GRID1: variants seen among roughly 807,000 people sequenced by gnomAD.
GRID1 encodes glutamate ionotropic receptor delta type subunit 1, also known as glutamate receptor ionotropic, delta-1.
Under a neutral mutation model 98.0 loss-of-function variants are expected in GRID1, and 28 were observed. The observed-to-expected ratio is 0.29, with a 90% confidence interval of 0.21 to 0.39. GRID1 has a LOEUF of 0.39. Among genes scored for constraint, GRID1 ranks in the 10% least tolerant of loss-of-function variants. The pLI is 1.00. For missense variants in GRID1, 1,111 were observed against 1,340.5 expected (o/e 0.83, Z 2.67); for synonymous variants, 553 against 538.5 (o/e 1.03, Z -0.37).
chr10:86,124,015 C>T (rs998220233), intron 4 of GRID1, among the ~76,000 whole-genome samples: 1 of 152,158 alleles, frequency 6.6e-6, no homozygotes, highest in South Asian at 2.1e-4. Flanking sequence ...GCCTCGTGGC[C>T]CAGGCAAGCA....
At chr10:85,802,872 CACACACACACACA>C (rs1167882199) in intron 8 of GRID1, among the ~76,000 whole-genome samples, 3 of 151,042 alleles carry the variant, frequency 2.0e-5, no homozygotes, top group Non-Finnish European at 3.0e-5. Context: ...CACACACACA[CACACACACACACA>C]CCAAGGAACA....
intron 4 of GRID1, among the ~76,000 whole-genome samples, chr10:86,049,825 T>C (rs1368982420): frequency 3.9e-5 from 6 of 152,258 alleles, no homozygotes; most frequent in Non-Finnish European, 8.8e-5. Flanking sequence ...CTTCTTCTTC[T>C]TTTTGTCATC....
In GRID1 at chr10:85,949,018, C is replaced by T. The variant is rs528593002; in HGVS notation, c.727-32779G>A. ...TACACAAACTGGAGAGGAGAGAAAC[C>T]GTCTGGACATGATGCTTAAATTTGG... On this transcript the variant is annotated intron_variant, in intron 4 of 15. Transcript: ENST00000327946. 5.3e-5 allele frequency among the ~76,000 whole-genome samples: 8 copies of T among 152,114 alleles called. No individual in the cohort carries two copies. The South Asian group carries it at 1.7e-3, about 32-fold the overall frequency.
chr10:86,350,832 A>G (rs1002111970), intron 2 of GRID1, among the ~76,000 whole-genome samples: 9 of 152,176 alleles, frequency 5.9e-5, no homozygotes, highest in Admixed American at 3.9e-4. Flanking sequence ...TTGAAAATAT[A>G]CAATAAATTG....
chr10:85,897,773 C>G (rs1841314554), intron 5 of GRID1, among the ~76,000 whole-genome samples: 1 of 152,062 alleles, frequency 6.6e-6, no homozygotes, highest in Non-Finnish European at 1.5e-5. Flanking sequence ...TTCAAATATT[C>G]AATACATTCT....
chr10:85,991,806 G>C (rs1312384326), intron 4 of GRID1, among the ~76,000 whole-genome samples: 1 of 152,160 alleles, frequency 6.6e-6, no homozygotes, highest in Non-Finnish European at 1.5e-5. Flanking sequence ...CAGACAAAAG[G>C]AGAGAAAACA....
intron 13 of GRID1, among the ~76,000 whole-genome samples, chr10:85,623,479 T>C (rs966241417): frequency 1.3e-5 from 2 of 152,208 alleles, no homozygotes; most frequent in Non-Finnish European, 1.5e-5. Flanking sequence ...CAAATAATGA[T>C]GAATTCACCC....
chr10:85,955,917 C>T (rs941311122), intron 4 of GRID1, among the ~76,000 whole-genome samples: 3 of 152,140 alleles, frequency 2.0e-5, no homozygotes, highest in Non-Finnish European at 4.4e-5. Flanking sequence ...TCCCCTCAGC[C>T]CTTTCTCTTT....
chr10:85,614,785 G>C (rs1456833621), intron 14 of GRID1, among the ~76,000 whole-genome samples: 1 of 152,154 alleles, frequency 6.6e-6, no homozygotes, highest in Non-Finnish European at 1.5e-5. Context: ...GTGTGCAATG[G>C]TGGGACAACC....
chr10:86,355,254 C>G lies in GRID1; in HGVS notation c.235+8687G>C, dbSNP rs112131426. 9.1e-3 allele frequency among the ~76,000 whole-genome samples: 1,391 copies of G among 152,358 alleles called. 15 individuals carry two copies. Among genetic ancestry groups the G allele is most frequent in the South Asian group, 0.022 (108 of 4,822 alleles). ...GGGAGCCCCAGTCTGTGTGAGACAG[C>G]CACCACACTCCCGCCTCTTCAGCTC... is the stretch of plus-strand genomic sequence containing the variant. On this transcript the variant is annotated intron_variant, in intron 2 of 15. Coordinates refer to ENST00000327946, the MANE Select transcript of GRID1 (RefSeq NM_017551.3).
intron 4 of GRID1, among the ~76,000 whole-genome samples, chr10:86,011,991 C>G (rs1374377513): frequency 2.6e-5 from 4 of 152,122 alleles, no homozygotes; most frequent in Admixed American, 6.5e-5. Context: ...AACCCAGTCT[C>G]TACTAAAAAT....
intron 2 of GRID1, among the ~76,000 whole-genome samples, chr10:86,327,433 G>A (rs375226403): frequency 1.3e-5 from 2 of 152,176 alleles, no homozygotes; most frequent in Non-Finnish European, 2.9e-5. Flanking sequence ...CAGCCAAAAA[G>A]CAGAGCAAAC....
At chr10:85,636,135 T>C (rs1034862774) in intron 13 of GRID1, among the ~76,000 whole-genome samples, 3 of 152,220 alleles carry the variant, frequency 2.0e-5, no homozygotes, top group South Asian at 2.1e-4. Context: ...ATTAATCTCC[T>C]GATTGTCCAA....
At chr10:85,800,580 C>A (rs577288105) in intron 8 of GRID1, among the ~76,000 whole-genome samples, 1 of 151,782 alleles carries the variant, frequency 6.6e-6, no homozygotes. Context: ...AGTGGTAATT[C>A]GAGGAAAATA....
chr10:86,342,730 C>G (rs1046360749), intron 2 of GRID1, among the ~76,000 whole-genome samples: 2 of 152,230 alleles, frequency 1.3e-5, no homozygotes, highest in Non-Finnish European at 2.9e-5. Flanking sequence ...CGAGCTACCC[C>G]CTCCATGGCA....
intron 8 of GRID1, among the ~76,000 whole-genome samples, chr10:85,805,550 C>A (rs961449763): frequency 1.3e-5 from 2 of 151,636 alleles, no homozygotes; most frequent in African/African-American, 4.8e-5. Flanking sequence ...TAATGTTTAC[C>A]AAGGCAGTAA....
At chr10:85,662,494 A>G (rs1840976786) in intron 12 of GRID1, among the ~76,000 whole-genome samples, 1 of 152,146 alleles carries the variant, frequency 6.6e-6, no homozygotes, top group Admixed American at 6.5e-5. Flanking sequence ...TCTCAGCCGA[A>G]CCCTGCCTCC....
chr10:86,039,573 G>A (rs1002429135), intron 4 of GRID1, among the ~76,000 whole-genome samples: 3 of 152,186 alleles, frequency 2.0e-5, no homozygotes, highest in African/African-American at 7.2e-5. Flanking sequence ...TGGTGAGAAG[G>A]GAAGAGTTTG....
At chr10:85,775,733 A>G (rs1445683734) in intron 8 of GRID1, among the ~76,000 whole-genome samples, 2 of 152,176 alleles carry the variant, frequency 1.3e-5, no homozygotes, top group East Asian at 3.9e-4. Context: ...TTGTAAAAGA[A>G]TATTGTTGAA....
Sources: gnomAD v4.1 joint callset for allele counts (sites outside exome capture counted in the v4.1 genomes callset) on GRCh38, gnomAD v4.1.1 for gene constraint, MANE v1.5 for transcripts, NCBI Gene and HGNC (gene_info 2026-07-23, HGNC 2026-07-21) for gene names.